AMPH: variants seen among roughly 807,000 people sequenced by gnomAD.
AMPH encodes the protein amphiphysin.
In AMPH, 49 loss-of-function variants were observed where a neutral mutation model predicts 99.1. That is an observed-to-expected ratio of 0.49 (90% confidence interval 0.39 to 0.63). The LOEUF is 0.63. AMPH is among the 20% of genes least tolerant of loss of function. The pLI is 0.00. For missense variants in AMPH, 759 were observed against 863.4 expected (o/e 0.88, Z 1.52); for synonymous variants, 314 against 317.3 (o/e 0.99, Z 0.11).
At chr7:38,572,244 G>A (rs576966628) in intron 1 of AMPH, among the ~76,000 whole-genome samples, 88 of 151,978 alleles carry the variant, frequency 5.8e-4, no homozygotes, top group African/African-American at 2.0e-3. Flanking sequence ...TATTTTTATT[G>A]TGCCTTTTCT....
intron 1 of AMPH, among the ~76,000 whole-genome samples, chr7:38,541,879 T>C (rs1790821085): frequency 6.6e-6 from 1 of 152,150 alleles, no homozygotes; most frequent in Non-Finnish European, 1.5e-5. Flanking sequence ...AGTCCCTAGA[T>C]GGGAACAGAG....
intron 1 of AMPH, among the ~76,000 whole-genome samples, chr7:38,593,754 C>T (rs903928039): frequency 6.6e-6 from 1 of 152,164 alleles, no homozygotes; most frequent in African/African-American, 2.4e-5. Flanking sequence ...AGTCAAAAAT[C>T]CCCACTCAGA....
chr7:38,406,716 C>CTA (rs1784997744), intron 17 of AMPH, among the ~76,000 whole-genome samples: 1 of 116,242 alleles, frequency 8.6e-6, no homozygotes, highest in African/African-American at 2.9e-5. Context: ...CTCCTCTCCT[C>CTA]TCTCTCTCCC....
rs975061394 is a variant in AMPH at position 38,547,782 on chromosome 7, G to T, written c.70-12771C>A. 2.6e-5 allele frequency among the ~76,000 whole-genome samples: 4 copies of T among 152,266 alleles called. No homozygotes were observed. In the South Asian group the frequency reaches 8.3e-4, roughly 32 times the overall value. On this transcript the variant is annotated intron_variant, in intron 1 of 20. Coordinates refer to ENST00000356264, the MANE Select transcript of AMPH (RefSeq NM_001635.4). ...CCTCTGGAAAGGCAGAACAACTTGAGGTGGAGAAGAGGGCTTCTAGATCAT... is the reference window on the plus strand; with the variant it reads ...CCTCTGGAAAGGCAGAACAACTTGATGTGGAGAAGAGGGCTTCTAGATCAT...
chr7:38,586,876 TAG>T (rs1792670417), intron 1 of AMPH, among the ~76,000 whole-genome samples: 1 of 152,242 alleles, frequency 6.6e-6, no homozygotes, highest in South Asian at 2.1e-4. Context: ...AACAGAGGTT[TAG>T]AGAGATTTCA....
At chr7:38,451,349 G>A (rs542626739) in intron 11 of AMPH, among the ~76,000 whole-genome samples, 10 of 149,472 alleles carry the variant, frequency 6.7e-5, no homozygotes, top group Non-Finnish European at 1.2e-4. Flanking sequence ...ACATATATAC[G>A]TTATATACAC....
intron 8 of AMPH, 123 bp downstream of exon 8, chr7:38,466,050 A>G (rs1371051643): frequency 2.7e-6 from 2 of 737,860 alleles, no homozygotes; most frequent in Non-Finnish European, 4.4e-6. Context: ...GTAATAACAC[A>G]CTGCTAAAAG....
intron 1 of AMPH, among the ~76,000 whole-genome samples, chr7:38,602,151 G>A (rs1401868380): frequency 1.3e-5 from 2 of 152,130 alleles, no homozygotes; most frequent in Non-Finnish European, 2.9e-5. Flanking sequence ...CCAACAGTGG[G>A]CAGCACCACA....
At chr7:38,511,534 G>C (rs1013693952) in intron 2 of AMPH, among the ~76,000 whole-genome samples, 1 of 152,140 alleles carries the variant, frequency 6.6e-6, no homozygotes, top group African/African-American at 2.4e-5. Context: ...AAAATCAACG[G>C]AATATGATAA....
chr7:38,402,917 CA>C (rs373953939), intron 17 of AMPH, among the ~76,000 whole-genome samples: 15 of 151,554 alleles, frequency 9.9e-5, no homozygotes, highest in Non-Finnish European at 1.8e-4. Flanking sequence ...AAAATGAAAA[CA>C]AAAAAAACTA....
intron 17 of AMPH, 22 bp downstream of exon 17, chr7:38,417,803 G>C: frequency 6.2e-7 from 1 of 1,612,862 alleles, no homozygotes; most frequent in Non-Finnish European, 8.5e-7. Context: ...CAGATGGAGG[G>C]TGAGAGGGAG....
chr7:38,473,264 G>T (rs977847081), intron 7 of AMPH, among the ~76,000 whole-genome samples: 1 of 152,128 alleles, frequency 6.6e-6, no homozygotes, highest in Non-Finnish European at 1.5e-5. Context: ...TGTCTTAATT[G>T]TATGTAAATG....
intron 14 of AMPH, chr7:38,428,016 C>T (rs1207573967): frequency 2.2e-6 from 1 of 456,664 alleles, no homozygotes; most frequent in Non-Finnish European, 4.4e-6. Flanking sequence ...GCTTTGTTCC[C>T]AGCAGCTAGC....
chr7:38,526,039 G>A (rs910405419), intron 2 of AMPH, among the ~76,000 whole-genome samples: 1 of 152,128 alleles, frequency 6.6e-6, no homozygotes, highest in African/African-American at 2.4e-5. Flanking sequence ...TTCCCACAGT[G>A]GCTATGAATC....
At chr7:38,458,782 T>C (rs1003264374) in intron 11 of AMPH, among the ~76,000 whole-genome samples, 3 of 152,164 alleles carry the variant, frequency 2.0e-5, no homozygotes, top group African/African-American at 7.2e-5. Context: ...GCTGAAAGCC[T>C]TTCTTCTATG....
At chr7:38,522,194 CCTAT>C (rs1789990822) in intron 2 of AMPH, among the ~76,000 whole-genome samples, 1 of 152,160 alleles carries the variant, frequency 6.6e-6, no homozygotes, top group Admixed American at 6.5e-5. Flanking sequence ...TAACTGCCAT[CCTAT>C]TAAAGCCTAA....
intron 1 of AMPH, among the ~76,000 whole-genome samples, chr7:38,547,740 T>C (rs2129044930): frequency 6.6e-6 from 1 of 152,320 alleles, no homozygotes; most frequent in Non-Finnish European, 1.5e-5. Context: ...TCAATATGTG[T>C]AATATGTACA....
At chr7:38,480,572 T>C (rs1325571751) in intron 5 of AMPH, among the ~76,000 whole-genome samples, 2 of 152,162 alleles carry the variant, frequency 1.3e-5, no homozygotes, top group African/African-American at 4.8e-5. Context: ...TTAACCTCTT[T>C]GGCTATTTCT....
intron 1 of AMPH, among the ~76,000 whole-genome samples, chr7:38,554,585 A>T (rs2129046963): frequency 6.6e-6 from 1 of 152,366 alleles, no homozygotes; most frequent in African/African-American, 2.4e-5. Flanking sequence ...CAAACTAAAT[A>T]TCCAAAAATA....
Sources: gnomAD v4.1 joint callset for allele counts (sites outside exome capture counted in the v4.1 genomes callset) on GRCh38, gnomAD v4.1.1 for gene constraint, MANE v1.5 for transcripts, NCBI Gene and HGNC (gene_info 2026-07-23, HGNC 2026-07-21) for gene names.